The following RPTOR variants were observed in gnomAD, a reference collection of about 807,000 sequenced individuals.
RPTOR encodes regulatory-associated protein of mTOR.
RPTOR carries 21 observed loss-of-function variants against 169.9 expected under a neutral mutation model. The ratio of observed to expected loss-of-function variants is 0.12; its 90% CI spans 0.09 to 0.18. The LOEUF (loss-of-function observed/expected upper bound fraction) is 0.18, where lower values mean the gene tolerates loss of function less well. Ranked by LOEUF, RPTOR falls within the 10% of genes least tolerant of loss-of-function variation. RPTOR has a pLI of 1.00. For missense variants in RPTOR, 1,133 were observed against 1,855.9 expected, an observed-to-expected ratio of 0.61 and a Z score of 7.16; for synonymous variants, 732 against 753.2, an observed-to-expected ratio of 0.97 and a Z score of 0.46.
chr17:80,672,666 T>C (rs1318067414), intron 3 of RPTOR, among the ~76,000 whole-genome samples: 1 of 151,928 alleles, frequency 6.6e-6, no homozygotes, highest in Non-Finnish European at 1.5e-5. Context: ...GACAGGCACC[T>C]GTAGTCCCAG....
In RPTOR at chr17:80,960,998, C is replaced by G. The variant is rs2144099457; in HGVS notation, c.3606-396C>G. ...AGCTTTAGGTCTGGGATTCTCATTC[C>G]TGACCCTCCAGTCTGCACAGATCGG... is the stretch of plus-strand genomic sequence containing the variant. On this transcript the variant is annotated intron_variant, in intron 30 of 33. Transcript: ENST00000306801. This position sits in a 1 kb window ranked among gnomAD's most constrained non-coding sequence, Gnocchi z 4.8. 4.6e-6 allele frequency: 1 copy of G among 217,350 alleles called. No individual in the cohort carries two copies. Among genetic ancestry groups the G allele is most frequent in the African/African-American group, 2.3e-5 (1 of 44,246 alleles). The allele number at this position is 217,350 out of a possible 1,614,324, so 13.5% of individuals were successfully genotyped here.
rs762144356 is a variant in RPTOR, at chr17:80,947,184, C to T, written c.3141-43C>T. 3.9e-6 allele frequency: 6 copies of T among 1,520,788 alleles called. No individual in the cohort carries two copies. Among genetic ancestry groups the T allele is most frequent in the Non-Finnish European group, 5.3e-6 (6 of 1,136,514 alleles). 94.2% of individuals were successfully genotyped at this position (1,520,788 alleles called of 1,614,324 possible). A position where few individuals can be genotyped will look rare whatever the true frequency, so the allele number is the denominator to read the frequency against. The stretch of plus-strand genomic sequence containing the variant: ...GGTATCTCACTGTCATTTGGGTTTG[C>T]AGTTTCCTAATGACTTTTTTATTCC... On this transcript the variant is annotated intron_variant, in intron 26 of 33. Coordinates refer to ENST00000306801, the MANE Select transcript of RPTOR (RefSeq NM_020761.3). This position sits in a 1 kb window ranked among gnomAD's most constrained non-coding sequence, Gnocchi z 4.4.
chr17:80,590,450 G>A (rs893950073), intron 1 of RPTOR, among the ~76,000 whole-genome samples: 3 of 144,248 alleles, frequency 2.1e-5, no homozygotes, highest in Non-Finnish European at 4.5e-5. Flanking sequence ...TGGTTGAGCC[G>A]TGTGTTAGCA....
intron 2 of RPTOR, among the ~76,000 whole-genome samples, chr17:80,630,184 T>C (rs763290401): frequency 6.6e-6 from 1 of 152,246 alleles, no homozygotes; most frequent in African/African-American, 2.4e-5. Context: ...TCCTAATTCC[T>C]TTATCATCTC....
rs556857913 is a variant in RPTOR, at chr17:80,845,966, C to A, written c.1213-507C>A. 2.0e-5 allele frequency among the ~76,000 whole-genome samples: 3 copies of A among 152,230 alleles called. No individual in the cohort carries two copies. Among genetic ancestry groups the A allele is most frequent in the African/African-American group, 7.2e-5 (3 of 41,458 alleles). On this transcript the variant is annotated intron_variant, in intron 10 of 33. Coordinates refer to ENST00000306801, the MANE Select transcript of RPTOR (RefSeq NM_020761.3). The surrounding 1 kb of genome is among the most constrained non-coding windows in gnomAD (Gnocchi z 5.4). ...ACTGCCGGGCCCTCACCGGCCCCAG[C>A]GCGGCCCCAGCTCATCTCCTTGGTC...
chr17:80,552,045 G>A (rs181135880), intron 1 of RPTOR, among the ~76,000 whole-genome samples: 126 of 152,216 alleles, frequency 8.3e-4, no homozygotes, highest in Admixed American at 1.8e-3. Flanking sequence ...CGGGGTTGGG[G>A]GTAAGGTCAT....
intron 7 of RPTOR, among the ~76,000 whole-genome samples, chr17:80,808,974 C>G (rs1437654885): frequency 6.6e-6 from 1 of 152,220 alleles, no homozygotes; most frequent in African/African-American, 2.4e-5. Flanking sequence ...TGTAAACATT[C>G]ATGTGCAAGT....
Position 80,721,189 on chromosome 17 carries a change from G to A in RPTOR, c.508-9371G>A, listed in dbSNP as rs541385596. Among the ~76,000 whole-genome samples, 57 of 150,928 alleles carry A rather than the reference G, an allele frequency of 3.8e-4. 4 individuals are homozygous for A. The highest frequency in any genetic ancestry group is 1.2e-3 in the African/African-American group (50 of 40,332). On this transcript the variant is annotated intron_variant, in intron 4 of 33. Transcript: ENST00000306801. This position sits in a 1 kb window ranked among gnomAD's most constrained non-coding sequence, Gnocchi z 4.7. ...GACAGGAAGTAGTCCCCTCTGACCC[G>A]GTGACACCGTGGGGAGCAGGTGATG...
At chr17:80,643,890 C>A in intron 3 of RPTOR, 80 bp downstream of exon 3, 3 of 1,142,820 alleles carry the variant, frequency 2.6e-6, no homozygotes, top group East Asian at 2.4e-5. Flanking sequence ...TCTTTGGATC[C>A]AAGTGAGAAT....
intron 20 of RPTOR, among the ~76,000 whole-genome samples, chr17:80,904,490 T>C (rs943970933): frequency 1.3e-5 from 2 of 152,190 alleles, no homozygotes; most frequent in African/African-American, 4.8e-5. Context: ...CCGTGTATGC[T>C]ATTTGGAAAG....
chr17:80,843,657 C>T (rs894657280), intron 10 of RPTOR, among the ~76,000 whole-genome samples: 6 of 151,846 alleles, frequency 4.0e-5, no homozygotes, highest in Non-Finnish European at 8.8e-5. Flanking sequence ...ACTTTAAGTC[C>T]CCTCTTTAAG....
chr17:80,603,227 A>G (rs1461633569), intron 1 of RPTOR, among the ~76,000 whole-genome samples: 1 of 152,236 alleles, frequency 6.6e-6, no homozygotes, highest in East Asian at 1.9e-4. Flanking sequence ...TTTAAATCTA[A>G]TTTATCTTGT....
intron 1 of RPTOR, among the ~76,000 whole-genome samples, chr17:80,554,775 C>CA (rs1445659947): frequency 4.6e-5 from 6 of 131,318 alleles, no homozygotes; most frequent in Non-Finnish European, 6.8e-5. Context: ...AAACAAACAA[C>CA]AACAACAACA....
chr17:80,819,676 G>A (rs2589133), intron 7 of RPTOR, among the ~76,000 whole-genome samples: 76,549 of 152,126 alleles, frequency 0.5, 19,523 homozygotes, highest in African/African-American at 0.53. Flanking sequence ...GCCAGCGCAC[G>A]CTCGTACAGG....
intron 9 of RPTOR, among the ~76,000 whole-genome samples, chr17:80,837,188 CAG>C (rs1446064631): frequency 1.3e-5 from 2 of 152,190 alleles, no homozygotes; most frequent in African/African-American, 2.4e-5. Context: ...GGGGTCTCGA[CAG>C]GGGAAGCACA....
chr17:80,606,470 C>T (rs1391268566), intron 1 of RPTOR, among the ~76,000 whole-genome samples: 1 of 151,916 alleles, frequency 6.6e-6, no homozygotes, highest in African/African-American at 2.4e-5. Context: ...AGGAGGTTTC[C>T]GTTAGCTTTT....
At chr17:80,805,120 T>C (rs980802219) in intron 7 of RPTOR, 16 of 149,076 alleles carry the variant, frequency 1.1e-4, no homozygotes, top group African/African-American at 3.3e-4. Flanking sequence ...GGCTAGGAAG[T>C]GACTCTGGGA....
chr17:80,657,685 G>A (rs2065690332), intron 3 of RPTOR, among the ~76,000 whole-genome samples: 1 of 152,176 alleles, frequency 6.6e-6, no homozygotes, highest in Non-Finnish European at 1.5e-5. Flanking sequence ...GATGCAGCCA[G>A]GACTGTAGAT....
intron 24 of RPTOR, among the ~76,000 whole-genome samples, chr17:80,937,070 C>T (rs1309736938): frequency 1.3e-5 from 2 of 152,114 alleles, no homozygotes; most frequent in Non-Finnish European, 1.5e-5. Context: ...GTTGCTAAAC[C>T]GTGGGGAAAA....
Sources: gnomAD v4.1 joint callset for allele counts (sites outside exome capture counted in the v4.1 genomes callset) on GRCh38, gnomAD v4.1.1 for gene constraint, Gnocchi (gnomAD v3.1) non-coding constraint, MANE v1.5 for transcripts, NCBI Gene and HGNC (gene_info 2026-07-23, HGNC 2026-07-21) for gene names.